The following SCD5 variants were observed in gnomAD, a reference collection of about 807,000 sequenced individuals.
The protein encoded by SCD5 is stearoyl-CoA desaturase 5, also known as acyl-CoA-desaturase 4.
In SCD5, 20 loss-of-function variants were observed where a neutral mutation model predicts 30.4. The observed-to-expected ratio is 0.66, with a 90% CI of 0.46 to 0.96. The LOEUF (loss-of-function observed/expected upper bound fraction) is 0.96. SCD5 is among the 40% of genes least tolerant of loss of function. The pLI, the probability that SCD5 is intolerant of heterozygous loss-of-function variation, is 0.00. For missense variants in SCD5, 381 were observed against 443.3 expected, an observed-to-expected ratio of 0.86 and a Z score of 1.26; for synonymous variants, 173 against 176.4, an observed-to-expected ratio of 0.98 and a Z score of 0.16.
At chr4:82,721,705 C>T (rs903933076) in intron 1 of SCD5, among the ~76,000 whole-genome samples, 5 of 152,178 alleles carry the variant, frequency 3.3e-5, no homozygotes, top group African/African-American at 1.2e-4. Flanking sequence ...CCTCACAGCC[C>T]TCAGAGGAAG....
At chr4:82,668,501 C>T (rs1035452125) in intron 3 of SCD5, among the ~76,000 whole-genome samples, 4 of 152,196 alleles carry the variant, frequency 2.6e-5, no homozygotes, top group Non-Finnish European at 4.4e-5. Context: ...GCATCTTGAA[C>T]ATCACCTGAC....
chr4:82,662,858 A>AG (rs767692069), intron 3 of SCD5, among the ~76,000 whole-genome samples: 3 of 94,888 alleles, frequency 3.2e-5, no homozygotes, highest in African/African-American at 1.1e-4. Flanking sequence ...ACTCCGTCTC[A>AG]AAAAAAAAAA....
chr4:82,675,855 C>G (rs1044539421), intron 3 of SCD5, among the ~76,000 whole-genome samples: 5 of 152,230 alleles, frequency 3.3e-5, no homozygotes, highest in African/African-American at 1.2e-4. Flanking sequence ...ACAAATCGCT[C>G]TGCTTAAGGC....
intron 1 of SCD5, among the ~76,000 whole-genome samples, chr4:82,736,699 C>G (rs925711227): frequency 6.6e-6 from 1 of 152,000 alleles, no homozygotes; most frequent in Non-Finnish European, 1.5e-5. Context: ...GGGTCTTGCT[C>G]TGTTGCCCAG....
At chr4:82,645,212 G>A (rs754670469) in intron 3 of SCD5, among the ~76,000 whole-genome samples, 10 of 152,124 alleles carry the variant, frequency 6.6e-5, no homozygotes, top group Non-Finnish European at 1.2e-4. Context: ...TACTAGAGAG[G>A]CTGAGGCAGT....
chr4:82,686,216 G>A (rs1728701459), intron 2 of SCD5, among the ~76,000 whole-genome samples: 1 of 152,062 alleles, frequency 6.6e-6, no homozygotes, highest in Admixed American at 6.6e-5. Flanking sequence ...ATGTTACCCA[G>A]GCTGGTCTTA....
chr4:82,683,706 G>T lies in SCD5; in HGVS notation c.364-2794C>A, dbSNP rs1471787279. Reference sequence around the variant, plus strand: ...GGGAAGGACCTGGTGGGAGGTGATTGGATCATAGGGTCAGTTTCCTCCATG... The same window carrying T: ...GGGAAGGACCTGGTGGGAGGTGATTTGATCATAGGGTCAGTTTCCTCCATG... On this transcript the variant is annotated intron_variant, in intron 2 of 4. Transcript: ENST00000319540. Among the ~76,000 whole-genome samples the T allele has an allele frequency of 2.0e-5, 3 of 152,250 alleles. No individual in the cohort carries two copies. In the East Asian group the frequency reaches 5.8e-4, roughly 29 times the overall value.
At chr4:82,654,168 C>T (rs1231727252) in intron 3 of SCD5, among the ~76,000 whole-genome samples, 2 of 152,162 alleles carry the variant, frequency 1.3e-5, no homozygotes, top group Admixed American at 6.5e-5. Context: ...CCACCCACCT[C>T]GGCCTCCCAA....
intron 4 of SCD5, among the ~76,000 whole-genome samples, chr4:82,632,209 C>T (rs796533697): frequency 2.1e-5 from 3 of 143,016 alleles, no homozygotes; most frequent in South Asian, 2.5e-4. Flanking sequence ...CGACAGGCCC[C>T]GGTGTGTGAT....
At chr4:82,666,266 G>T (rs1341725422) in intron 3 of SCD5, among the ~76,000 whole-genome samples, 1 of 152,110 alleles carries the variant, frequency 6.6e-6, no homozygotes, top group East Asian at 1.9e-4. Flanking sequence ...CATGAATAAC[G>T]ATTGAATAAA....
At chr4:82,656,770 C>T (rs1044667633) in intron 3 of SCD5, among the ~76,000 whole-genome samples, 13 of 152,170 alleles carry the variant, frequency 8.5e-5, no homozygotes, top group Admixed American at 8.5e-4. Context: ...CTGTTGTTTT[C>T]TGACTTTTTA....
intron 3 of SCD5, among the ~76,000 whole-genome samples, chr4:82,642,248 A>G (rs957129470): frequency 6.6e-6 from 1 of 152,128 alleles, no homozygotes; most frequent in African/African-American, 2.4e-5. Flanking sequence ...GCAGGTTTCA[A>G]ACTCAATTCT....
At chr4:82,756,527 ACCAGCCTGG>A (rs1721237043) in intron 1 of SCD5, among the ~76,000 whole-genome samples, 1 of 152,172 alleles carries the variant, frequency 6.6e-6, no homozygotes, top group African/African-American at 2.4e-5. Context: ...GGAGTTCAAG[ACCAGCCTGG>A]CCAACATGGT....
intron 1 of SCD5, among the ~76,000 whole-genome samples, chr4:82,707,398 A>G (rs1209289890): frequency 1.3e-5 from 2 of 152,130 alleles, no homozygotes; most frequent in African/African-American, 2.4e-5. Context: ...AGCCTAGAGA[A>G]CTCACGGACG....
chr4:82,669,306 TA>T (rs33968957), intron 3 of SCD5, among the ~76,000 whole-genome samples: 20 of 147,426 alleles, frequency 1.4e-4, no homozygotes, highest in Non-Finnish European at 1.5e-4. Flanking sequence ...TACATAACGT[TA>T]AAAAAAAAAA....
chr4:82,715,864 TGACAAA>T (rs1560542037), intron 1 of SCD5, among the ~76,000 whole-genome samples: 2 of 151,592 alleles, frequency 1.3e-5, no homozygotes, highest in Non-Finnish European at 2.9e-5. Flanking sequence ...AGAAAGAAAA[TGACAAA>T]GACTAAGGCT....
chr4:82,745,415 G>C (rs770313293), intron 1 of SCD5, among the ~76,000 whole-genome samples: 20 of 152,210 alleles, frequency 1.3e-4, no homozygotes, highest in Non-Finnish European at 2.8e-4. Flanking sequence ...CTCAGAACAA[G>C]GAGAGACATG....
intron 1 of SCD5, among the ~76,000 whole-genome samples, chr4:82,721,115 C>G (rs1720361206): frequency 6.6e-6 from 1 of 152,164 alleles, no homozygotes; most frequent in African/African-American, 2.4e-5. Flanking sequence ...GAGCTGTGAC[C>G]ATGGCACTGC....
chr4:82,670,301 CAG>C (rs1389774271), intron 3 of SCD5, among the ~76,000 whole-genome samples: 3 of 151,974 alleles, frequency 2.0e-5, no homozygotes, highest in African/African-American at 7.3e-5. Flanking sequence ...GCAATATAAG[CAG>C]AGAGATGAAA....
Sources: gnomAD v4.1 joint callset for allele counts (sites outside exome capture counted in the v4.1 genomes callset) on GRCh38, gnomAD v4.1.1 for gene constraint, MANE v1.5 for transcripts, NCBI Gene and HGNC (gene_info 2026-07-23, HGNC 2026-07-21) for gene names.